GRID2: variants seen among roughly 807,000 people sequenced by gnomAD.
The protein encoded by GRID2 is glutamate receptor ionotropic, delta-2.
Under a neutral mutation model 114.8 loss-of-function variants are expected in GRID2, and 33 were observed. That is an observed-to-expected ratio of 0.29 (90% CI 0.22 to 0.38). The LOEUF (loss-of-function observed/expected upper bound fraction) is 0.38. GRID2 is among the 10% of genes least tolerant of loss of function. GRID2 has a pLI of 1.00. For missense variants in GRID2, 1,184 were observed against 1,257.7 expected (o/e 0.94, Z 0.89); for synonymous variants, 505 against 449.9 (o/e 1.12, Z -1.55).
intron 2 of GRID2, among the ~76,000 whole-genome samples, chr4:92,671,416 T>C (rs1175551546): frequency 6.6e-6 from 1 of 152,156 alleles, no homozygotes; most frequent in East Asian, 1.9e-4. Context: ...GATTCAAGCC[T>C]TGTTAGATTC....
intron 2 of GRID2, among the ~76,000 whole-genome samples, chr4:93,083,610 C>T (rs534809294): frequency 8.1e-5 from 12 of 148,816 alleles, no homozygotes; most frequent in African/African-American, 3.0e-4. Flanking sequence ...GCAGGAGAAT[C>T]ACTTGAACCC....
At chr4:93,697,638 CA>C (rs1465034489) in intron 14 of GRID2, among the ~76,000 whole-genome samples, 1 of 151,674 alleles carries the variant, frequency 6.6e-6, no homozygotes, top group African/African-American at 2.4e-5. Context: ...AAATGAAAGA[CA>C]GGGGAGGGGG....
intron 3 of GRID2, among the ~76,000 whole-genome samples, chr4:93,088,908 A>G (rs1053360843): frequency 2.6e-5 from 4 of 152,158 alleles, no homozygotes; most frequent in African/African-American, 9.6e-5. Flanking sequence ...ATCAGTATAA[A>G]GGGGTTGCAA....
At chr4:93,635,088 C>T (rs2149704308) in intron 14 of GRID2, among the ~76,000 whole-genome samples, 1 of 152,170 alleles carries the variant, frequency 6.6e-6, no homozygotes, top group Non-Finnish European at 1.5e-5. Flanking sequence ...CTACAGATTT[C>T]TATTCTGTTG....
chr4:93,102,499 A>G (rs559921542), intron 3 of GRID2, among the ~76,000 whole-genome samples: 6 of 152,158 alleles, frequency 3.9e-5, no homozygotes, highest in Admixed American at 3.3e-4. Context: ...TCCACTGCAT[A>G]CTGAAAACAT....
At chr4:93,790,305 T>C (rs1053154409) in intron 1 of GRID2, among the ~76,000 whole-genome samples, 4 of 152,124 alleles carry the variant, frequency 2.6e-5, no homozygotes, top group African/African-American at 9.7e-5. Flanking sequence ...CTTAATAACT[T>C]TTTAGGACAC....
At chr4:93,699,675 A>G (rs1727338728) in intron 14 of GRID2, among the ~76,000 whole-genome samples, 1 of 152,160 alleles carries the variant, frequency 6.6e-6, no homozygotes, top group African/African-American at 2.4e-5. Context: ...TTATGAATCC[A>G]AAGGTGGAAC....
Position 93,394,046 on chromosome 4 carries a change from G to C in GRID2, c.1246-1561G>C, listed in dbSNP as rs557405706. On this transcript the variant is annotated intron_variant, in intron 8 of 15. Coordinates refer to ENST00000282020, the MANE Select transcript of GRID2 (RefSeq NM_001510.4). ...ATCACTTTTTCCACCAATATTATTT[G>C]GTCTAGGAAAGTAAAATCCTCTTGA... 3.3e-5 allele frequency among the ~76,000 whole-genome samples: 5 copies of C among 152,046 alleles called. No homozygotes were observed. In the South Asian group the frequency reaches 1.0e-3, roughly 32 times the overall value.
At chr4:92,460,157 TAAAC>T (rs1721428972) in intron 1 of GRID2, among the ~76,000 whole-genome samples, 2 of 148,458 alleles carry the variant, frequency 1.3e-5, no homozygotes, top group Admixed American at 1.4e-4. Context: ...AACAAACAAA[TAAAC>T]AAAAATAGCC....
At chr4:93,511,228 C>T (rs935995328) in intron 12 of GRID2, among the ~76,000 whole-genome samples, 12 of 152,092 alleles carry the variant, frequency 7.9e-5, no homozygotes, top group South Asian at 4.1e-4. Context: ...TGAGCCACTG[C>T]GCCTGGCCCC....
At chr4:93,312,745 T>G (rs1756152305) in intron 8 of GRID2, among the ~76,000 whole-genome samples, 1 of 152,152 alleles carries the variant, frequency 6.6e-6, no homozygotes, top group Non-Finnish European at 1.5e-5. Flanking sequence ...TAATTGGAAT[T>G]TTGATGAATA....
chr4:93,727,236 A>G (rs1175131044), intron 14 of GRID2, among the ~76,000 whole-genome samples: 3 of 152,086 alleles, frequency 2.0e-5, no homozygotes, highest in Non-Finnish European at 2.9e-5. Context: ...TGCATCTATT[A>G]AGATAATCAT....
At chr4:92,917,192 C>T (rs1383171919) in intron 2 of GRID2, among the ~76,000 whole-genome samples, 3 of 152,246 alleles carry the variant, frequency 2.0e-5, no homozygotes, top group South Asian at 4.1e-4. Context: ...CCTTCGCCCA[C>T]GTGGTGATGG....
At chr4:93,505,726 ATTTG>A (rs1223523575) in intron 12 of GRID2, among the ~76,000 whole-genome samples, 1 of 150,978 alleles carries the variant, frequency 6.6e-6, no homozygotes, top group African/African-American at 2.4e-5. Flanking sequence ...TATACCAAAT[ATTTG>A]TTTATTTAAC....
In GRID2 at chr4:93,276,778, G is replaced by C. The variant is rs73837753; in HGVS notation, c.1245+38288G>C. Among the ~76,000 whole-genome samples the C allele has an allele frequency of 6.6e-3, 998 of 151,976 alleles. 10 individuals are homozygous for C. The highest frequency in any genetic ancestry group is 0.023 in the African/African-American group (955 of 41,506). ...ACATTGAACTTGTGTCCTAAAACCT[G>C]TGTGAAGCAGATACCTTTTTTTATA... On this transcript the variant is annotated intron_variant, in intron 8 of 15. Transcript: ENST00000282020.
intron 1 of GRID2, among the ~76,000 whole-genome samples, chr4:92,461,745 G>A (rs1338309787): frequency 6.6e-6 from 1 of 151,900 alleles, no homozygotes; most frequent in Non-Finnish European, 1.5e-5. Flanking sequence ...AATATAGCCT[G>A]TGTGCTAATA....
intron 11 of GRID2, among the ~76,000 whole-genome samples, chr4:93,487,770 T>C (rs1726561309): frequency 6.6e-6 from 1 of 151,948 alleles, no homozygotes; most frequent in Non-Finnish European, 1.5e-5. Flanking sequence ...TCTGGGCCTA[T>C]AAATTTTTAC....
At chr4:93,341,488 C>A (rs1046453979) in intron 8 of GRID2, among the ~76,000 whole-genome samples, 1 of 151,978 alleles carries the variant, frequency 6.6e-6, no homozygotes, top group Admixed American at 6.6e-5. Flanking sequence ...ACGCCCGGCT[C>A]ATTTTTGTAT....
chr4:93,060,012 C>T (rs1044768996), intron 2 of GRID2, among the ~76,000 whole-genome samples: 1 of 151,876 alleles, frequency 6.6e-6, no homozygotes, highest in Non-Finnish European at 1.5e-5. Flanking sequence ...ACTCCTTTCT[C>T]AGAGATTTTT....
Sources: allele counts gnomAD v4.1 joint callset (sites outside exome capture counted in the v4.1 genomes callset), GRCh38; gene constraint gnomAD v4.1.1; transcripts MANE v1.5; gene names NCBI Gene and HGNC (gene_info 2026-07-23, HGNC 2026-07-21).